RAPGEF5: variants seen among roughly 807,000 people sequenced by gnomAD.
The protein encoded by RAPGEF5 is Rap guanine nucleotide exchange factor 5, also known as M-Ras-regulated GEF.
Under a neutral mutation model 125.2 loss-of-function variants are expected in RAPGEF5, and 65 were observed. The observed-to-expected ratio is 0.52, with a 90% CI of 0.43 to 0.64. The LOEUF (loss-of-function observed/expected upper bound fraction) is 0.64, where lower values mean the gene tolerates loss of function less well. Ranked by LOEUF, RAPGEF5 falls within the 30% of genes least tolerant of loss-of-function variation. The pLI is 0.00. For missense variants in RAPGEF5, 958 were observed against 1,048.1 expected (o/e 0.91, Z 1.19); for synonymous variants, 391 against 385.9 (o/e 1.01, Z -0.16).
intron 7 of RAPGEF5, among the ~76,000 whole-genome samples, chr7:22,262,778 C>T (rs982019319): frequency 6.6e-6 from 1 of 152,188 alleles, no homozygotes; most frequent in Non-Finnish European, 1.5e-5. Flanking sequence ...GCCTGAGCAA[C>T]GTAGTGAGAC....
At position 22,279,024 on chromosome 7, in the gene RAPGEF5, T is replaced by C. The variant is rs367720726; in HGVS notation, c.748-12012A>G. On this transcript the variant is annotated intron_variant, in intron 6 of 25. Coordinates refer to ENST00000665637, the MANE Select transcript of RAPGEF5 (RefSeq NM_012294.5). Reference sequence around the variant, plus strand: ...GTTTATAATTCCTTACCCAGCTACATAGCCTATTCAAACCTCTTTACAAAC... The same window carrying C: ...GTTTATAATTCCTTACCCAGCTACACAGCCTATTCAAACCTCTTTACAAAC... 3.3e-5 allele frequency among the ~76,000 whole-genome samples: 5 copies of C among 152,162 alleles called. No individual in the cohort carries two copies. In the South Asian group the frequency reaches 6.2e-4, roughly 19 times the overall value.
chr7:22,177,737 A>G (rs897547672), intron 11 of RAPGEF5, among the ~76,000 whole-genome samples: 1 of 152,246 alleles, frequency 6.6e-6, no homozygotes, highest in African/African-American at 2.4e-5. Flanking sequence ...ATGAATAAAG[A>G]GAATAACCAC....
chr7:22,247,384 G>A (rs902826880), intron 7 of RAPGEF5, among the ~76,000 whole-genome samples: 8 of 152,138 alleles, frequency 5.3e-5, no homozygotes, highest in Non-Finnish European at 1.0e-4. Flanking sequence ...TAATCCCCTC[G>A]TGTCATGGGA....
At chr7:22,241,351 G>T (rs1055225418) in intron 7 of RAPGEF5, among the ~76,000 whole-genome samples, 1 of 152,016 alleles carries the variant, frequency 6.6e-6, no homozygotes, top group African/African-American at 2.4e-5. Flanking sequence ...AGGTGTCCTT[G>T]TGTTTGCAAA....
chr7:22,226,004 T>C (rs1785909803), intron 8 of RAPGEF5, among the ~76,000 whole-genome samples: 1 of 152,228 alleles, frequency 6.6e-6, no homozygotes, highest in Non-Finnish European at 1.5e-5. Flanking sequence ...ACAAGATTCC[T>C]GTGGGAAAGG....
chr7:22,195,701 A>C (rs1785132399), intron 9 of RAPGEF5, among the ~76,000 whole-genome samples: 1 of 152,112 alleles, frequency 6.6e-6, no homozygotes. Flanking sequence ...GGCTGGAGAG[A>C]AGTGCATATA....
chr7:22,223,293 T>C (rs1020940837), intron 8 of RAPGEF5, among the ~76,000 whole-genome samples: 4 of 152,150 alleles, frequency 2.6e-5, no homozygotes, highest in Non-Finnish European at 5.9e-5. Flanking sequence ...CTATCGAATG[T>C]TGCTGAAATA....
At chr7:22,144,957 C>A in intron 20 of RAPGEF5, 87 bp downstream of exon 20, 1 of 1,442,700 alleles carries the variant, frequency 6.9e-7, no homozygotes, top group Non-Finnish European at 9.3e-7. Flanking sequence ...TATCCCAACC[C>A]TTATCATCAT....
At chr7:22,175,217 G>A (rs1313897181) in intron 11 of RAPGEF5, among the ~76,000 whole-genome samples, 2 of 152,110 alleles carry the variant, frequency 1.3e-5, no homozygotes, top group African/African-American at 4.8e-5. Context: ...AGGCTTTATC[G>A]GGCTCAGGAC....
At chr7:22,239,762 T>G (rs1425440505) in intron 7 of RAPGEF5, among the ~76,000 whole-genome samples, 1 of 152,220 alleles carries the variant, frequency 6.6e-6, no homozygotes, top group Non-Finnish European at 1.5e-5. Context: ...AAAACAATGA[T>G]AATGTCGTTA....
chr7:22,137,589 C>T (rs985588271), intron 21 of RAPGEF5, among the ~76,000 whole-genome samples: 3 of 152,214 alleles, frequency 2.0e-5, no homozygotes, highest in Admixed American at 6.5e-5. Context: ...CTGCTTTTAA[C>T]ATGGCTAAGT....
intron 5 of RAPGEF5, among the ~76,000 whole-genome samples, chr7:22,302,530 C>A (rs1783232667): frequency 6.6e-6 from 1 of 152,102 alleles, no homozygotes; most frequent in Non-Finnish European, 1.5e-5. Context: ...GGCTGCCTAT[C>A]CACTCGCAAG....
intron 9 of RAPGEF5, among the ~76,000 whole-genome samples, chr7:22,196,608 A>G (rs549332803): frequency 1.3e-5 from 2 of 152,348 alleles, no homozygotes; most frequent in African/African-American, 4.8e-5. Flanking sequence ...TAACTGGGTC[A>G]GCACCCTAAG....
chr7:22,220,472 C>A (rs1785758460), intron 8 of RAPGEF5, among the ~76,000 whole-genome samples: 1 of 152,136 alleles, frequency 6.6e-6, no homozygotes. Flanking sequence ...AAACCCTTAA[C>A]AAGAAGATCA....
chr7:22,257,724 T>C (rs956784171), intron 7 of RAPGEF5, among the ~76,000 whole-genome samples: 19 of 152,240 alleles, frequency 1.2e-4, no homozygotes, highest in African/African-American at 3.9e-4. Flanking sequence ...CAGTAATATA[T>C]ATCTTGTTGG....
intron 13 of RAPGEF5, among the ~76,000 whole-genome samples, 178 bp from the exon 14 acceptor site, chr7:22,160,793 T>C (rs1401085744): frequency 1.3e-5 from 2 of 152,192 alleles, no homozygotes; most frequent in East Asian, 3.9e-4. Context: ...CTCTCTCAAC[T>C]GCCATGGCTC....
chr7:22,134,372 C>T (rs1490469342), intron 23 of RAPGEF5, among the ~76,000 whole-genome samples: 1 of 152,102 alleles, frequency 6.6e-6, no homozygotes, highest in East Asian at 1.9e-4. Context: ...ATGTTTATTT[C>T]TTATTCTTTT....
At chr7:22,309,834 A>G in intron 4 of RAPGEF5, 135 bp downstream of exon 4, 1 of 1,052,744 alleles carries the variant, frequency 9.5e-7, no homozygotes, top group Non-Finnish European at 1.3e-6. Flanking sequence ...CACTTAGAAA[A>G]TAAGAGAGAA....
chr7:22,120,560 C>G lies in RAPGEF5; in HGVS notation c.*1846G>C, dbSNP rs1431931653. On this transcript the variant is annotated 3_prime_UTR_variant, in exon 26 of 26. Coordinates refer to ENST00000665637, the MANE Select transcript of RAPGEF5 (RefSeq NM_012294.5). This position sits in a 1 kb window ranked among gnomAD's most constrained non-coding sequence, Gnocchi z 4.0. The stretch of plus-strand genomic sequence containing the variant: ...TGTAAGCCCATGCTATTGTTAGTAA[C>G]TGCGTGAGGAGGGCTTTGGAGGGTT... The G allele has an allele frequency of 6.6e-6, 1 of 152,626 alleles. No homozygotes were observed. Among genetic ancestry groups the G allele is most frequent in the Non-Finnish European group, 1.5e-5 (1 of 68,076 alleles). 9.5% of individuals were successfully genotyped at this position (152,626 alleles called of 1,614,324 possible). A position where few individuals can be genotyped will look rare whatever the true frequency, so the allele number is the denominator to read the frequency against.
Sources: gnomAD v4.1 joint callset for allele counts (sites outside exome capture counted in the v4.1 genomes callset) on GRCh38, gnomAD v4.1.1 for gene constraint, Gnocchi (gnomAD v3.1) non-coding constraint, MANE v1.5 for transcripts, NCBI Gene and HGNC (gene_info 2026-07-23, HGNC 2026-07-21) for gene names.